The following LRRC75A variants were observed in gnomAD, a reference collection of about 807,000 sequenced individuals.
The protein encoded by LRRC75A is leucine-rich repeat-containing protein 75A.
LRRC75A carries 12 observed loss-of-function variants against 26.0 expected under a neutral mutation model. The ratio of observed to expected loss-of-function variants is 0.46; its 90% CI spans 0.30 to 0.75. The LOEUF is 0.75. LRRC75A is among the 30% of genes least tolerant of loss of function. The pLI is 0.08. For synonymous variants in LRRC75A, 223 were observed against 219.3 expected (o/e 1.02, Z -0.15); for missense variants, 410 against 486.6 (o/e 0.84, Z 1.48).
At chr17:16,474,934 A>G (rs1029553012) in intron 1 of LRRC75A, among the ~76,000 whole-genome samples, 4 of 151,032 alleles carry the variant, frequency 2.6e-5, no homozygotes, top group African/African-American at 9.8e-5. Flanking sequence ...CGGAGCTTGC[A>G]GTGAGCCAAG....
At chr17:16,455,286 C>T (rs1409660777) in intron 2 of LRRC75A, among the ~76,000 whole-genome samples, 1 of 152,072 alleles carries the variant, frequency 6.6e-6, no homozygotes, top group African/African-American at 2.4e-5. Flanking sequence ...TGATTAAACA[C>T]ATTTGTTCTG....
intron 1 of LRRC75A, among the ~76,000 whole-genome samples, chr17:16,476,919 T>G (rs946109730): frequency 2.6e-5 from 4 of 151,888 alleles, no homozygotes; most frequent in Admixed American, 2.6e-4. Context: ...TTTGTATTTT[T>G]AGTAGAGACG....
intron 2 of LRRC75A, among the ~76,000 whole-genome samples, chr17:16,454,713 TTAAAA>T (rs1249031070): frequency 2.0e-5 from 3 of 151,254 alleles, no homozygotes; most frequent in Non-Finnish European, 2.9e-5. Flanking sequence ...ATAAATATAA[TTAAAA>T]TAAACAAATT....
At chr17:16,447,099 T>G (rs111280010) in intron 3 of LRRC75A, 71 of 217,834 alleles carry the variant, frequency 3.3e-4, no homozygotes, top group Middle Eastern at 1.4e-3. Flanking sequence ...ACCACTCAGC[T>G]ATCATTTGCA....
chr17:16,476,428 T>A (rs970156643), intron 1 of LRRC75A, among the ~76,000 whole-genome samples: 5 of 151,630 alleles, frequency 3.3e-5, no homozygotes, highest in Non-Finnish European at 7.4e-5. Flanking sequence ...CCTAGGCTGG[T>A]CTTGAACTCC....
intron 1 of LRRC75A, among the ~76,000 whole-genome samples, chr17:16,466,410 C>G (rs181709027): frequency 2.6e-5 from 4 of 152,356 alleles, no homozygotes; most frequent in Admixed American, 2.0e-4. Flanking sequence ...GAATCAGATC[C>G]AGGTGTGGTC....
In LRRC75A at chr17:16,443,977, C is replaced by T; in HGVS notation, c.646G>A (p.Asp216Asn). 1 of 1,613,718 alleles carries T rather than the reference C, an allele frequency of 6.2e-7. No individual in the cohort carries two copies. ...GGCAGCAGCTGCAGGACCATGTCGT[C>T]CGTGAGGCCTGTGAAGCCCAGCTCC... is the stretch of plus-strand genomic sequence containing the variant. ...SVELGFTGLT[D>N]DMVLQLLPAL... Residue 216 changes from aspartate to asparagine, a missense_variant, in exon 4 of 4, where the codon GAC (aspartate) becomes AAC (asparagine). Transcript: ENST00000470794.
intron 3 of LRRC75A, among the ~76,000 whole-genome samples, chr17:16,445,665 C>G (rs1396686020): frequency 2.0e-5 from 3 of 152,204 alleles, no homozygotes; most frequent in Non-Finnish European, 4.4e-5. Context: ...TGGGGTCCAG[C>G]CCCAGGGAGT....
At chr17:16,454,748 A>G (rs1182033237) in intron 2 of LRRC75A, among the ~76,000 whole-genome samples, 1 of 151,896 alleles carries the variant, frequency 6.6e-6, no homozygotes, top group Non-Finnish European at 1.5e-5. Flanking sequence ...AAAAAACCAA[A>G]AAAACAAAAA....
intron 1 of LRRC75A, among the ~76,000 whole-genome samples, chr17:16,486,230 G>A (rs1451720888): frequency 1.3e-5 from 2 of 152,138 alleles, no homozygotes; most frequent in East Asian, 1.9e-4. Context: ...GGAGGCCAGG[G>A]TACTTTAGGA....
chr17:16,450,528 GTCAC>G (rs766503701), intron 2 of LRRC75A, among the ~76,000 whole-genome samples: 7 of 152,246 alleles, frequency 4.6e-5, no homozygotes, highest in Non-Finnish European at 8.8e-5. Flanking sequence ...TGTTACACCT[GTCAC>G]TCCTGTGTGT....
intron 1 of LRRC75A, among the ~76,000 whole-genome samples, chr17:16,470,820 A>G (rs970044521): frequency 1.3e-5 from 2 of 152,168 alleles, no homozygotes; most frequent in African/African-American, 4.8e-5. Context: ...AACAACAGAA[A>G]TGTATTCTCT....
chr17:16,452,651 G>A (rs1164278732), intron 2 of LRRC75A, among the ~76,000 whole-genome samples: 1 of 151,994 alleles, frequency 6.6e-6, no homozygotes, highest in African/African-American at 2.4e-5. Flanking sequence ...GGCCAGCCTG[G>A]TCTCGAACTC....
intron 1 of LRRC75A, among the ~76,000 whole-genome samples, chr17:16,475,975 G>A (rs2093818822): frequency 6.6e-6 from 1 of 152,074 alleles, no homozygotes; most frequent in Non-Finnish European, 1.5e-5. Context: ...GGTGGATCAT[G>A]AGGTCAGGAG....
chr17:16,455,415 T>A (rs943735556), intron 2 of LRRC75A, among the ~76,000 whole-genome samples: 1 of 151,682 alleles, frequency 6.6e-6, no homozygotes, highest in African/African-American at 2.4e-5. Flanking sequence ...AGTCTTGCTC[T>A]GTCGCCCGGC....
intron 2 of LRRC75A, among the ~76,000 whole-genome samples, chr17:16,456,525 GAC>G (rs1268961832): frequency 1.3e-5 from 2 of 152,146 alleles, no homozygotes; most frequent in African/African-American, 2.4e-5. Flanking sequence ...TTGACACTGA[GAC>G]ACACATACCC....
At chr17:16,464,709 G>T (rs2093754621) in intron 1 of LRRC75A, among the ~76,000 whole-genome samples, 1 of 152,238 alleles carries the variant, frequency 6.6e-6, no homozygotes, top group South Asian at 2.1e-4. Context: ...GGCTGGGCGG[G>T]GACCTGAGCA....
At chr17:16,444,306 A>G (rs1237051181) in intron 3 of LRRC75A, among the ~76,000 whole-genome samples, 175 bp from the exon 4 acceptor site, 1 of 152,226 alleles carries the variant, frequency 6.6e-6, no homozygotes, top group African/African-American at 2.4e-5. Flanking sequence ...CAGTCCCCTG[A>G]CACTGCCGCA....
intron 1 of LRRC75A, among the ~76,000 whole-genome samples, chr17:16,486,382 G>A (rs985241732): frequency 2.6e-5 from 4 of 152,138 alleles, no homozygotes; most frequent in South Asian, 2.1e-4. Context: ...CCCTGCGGTC[G>A]TGCTTAGCCA....
Sources: allele counts gnomAD v4.1 joint callset (sites outside exome capture counted in the v4.1 genomes callset), GRCh38; gene constraint gnomAD v4.1.1; transcripts MANE v1.5; gene names NCBI Gene and HGNC (gene_info 2026-07-23, HGNC 2026-07-21).